TYW1B: variants seen among roughly 807,000 people sequenced by gnomAD.
TYW1B encodes the protein S-adenosyl-L-methionine-dependent tRNA 4-demethylwyosine synthase TYW1B.
TYW1B carries 73 observed loss-of-function variants against 86.9 expected under a neutral mutation model. That is an observed-to-expected ratio of 0.84 (90% CI 0.70 to 1.02). The LOEUF (loss-of-function observed/expected upper bound fraction) is 1.02. Among genes scored for constraint, TYW1B ranks in the 50% least tolerant of loss-of-function variants. The pLI is 0.00. For missense variants in TYW1B, 637 were observed against 827.4 expected, an observed-to-expected ratio of 0.77 and a Z score of 2.82; for synonymous variants, 248 against 292.8, an observed-to-expected ratio of 0.85 and a Z score of 1.56.
chr7:72,808,323 G>T (rs552329493), intron 4 of TYW1B, among the ~76,000 whole-genome samples: 1 of 151,740 alleles, frequency 6.6e-6, no homozygotes, highest in African/African-American at 2.4e-5. Context: ...TGTGGTGGGC[G>T]CCTGTGGTCC....
intron 13 of TYW1B, among the ~76,000 whole-genome samples, chr7:72,604,370 G>A (rs1387929281): frequency 6.6e-6 from 1 of 152,112 alleles, no homozygotes; most frequent in African/African-American, 2.4e-5. Context: ...GCTGAGGCAG[G>A]AGAATTGCTT....
At chr7:72,575,768 A>C in intron 13 of TYW1B, 49 bp from the exon 14 acceptor site, 1 of 1,579,068 alleles carries the variant, frequency 6.3e-7, no homozygotes, top group Admixed American at 1.9e-5. Flanking sequence ...ATCCCTAGAA[A>C]AAAAAAATGA....
At chr7:72,775,901 ATAAT>A (rs1204428943) in intron 7 of TYW1B, among the ~76,000 whole-genome samples, 52 of 152,300 alleles carry the variant, frequency 3.4e-4, no homozygotes, top group African/African-American at 1.1e-3. Flanking sequence ...TCTTTAGTAC[ATAAT>A]TAAATAGATG....
intron 11 of TYW1B, among the ~76,000 whole-genome samples, chr7:72,657,621 A>G (rs1554443860): frequency 1.3e-5 from 2 of 152,200 alleles, no homozygotes; most frequent in Non-Finnish European, 1.5e-5. Flanking sequence ...GGGAATCTCC[A>G]TTAGACTAAG....
intron 11 of TYW1B, among the ~76,000 whole-genome samples, chr7:72,641,022 C>T (rs1277802529): frequency 2.6e-5 from 4 of 151,954 alleles, no homozygotes; most frequent in African/African-American, 7.2e-5. Flanking sequence ...GGACCCTTAG[C>T]TAGACTAAGA....
chr7:72,823,404 G>C (rs1354895497), intron 2 of TYW1B, among the ~76,000 whole-genome samples: 4 of 151,896 alleles, frequency 2.6e-5, no homozygotes, highest in Admixed American at 2.6e-4. Flanking sequence ...GGCAGATCAC[G>C]AGGTCAGGAG....
chr7:72,745,854 GT>G (rs373697481), intron 7 of TYW1B, among the ~76,000 whole-genome samples: 6 of 7,946 alleles, frequency 7.6e-4, no homozygotes, highest in East Asian at 0.042. Context: ...GTATAGGGGT[GT>G]GTGTGTGTGT....
chr7:72,814,687 G>A (rs1360424519), intron 3 of TYW1B, among the ~76,000 whole-genome samples: 7 of 151,890 alleles, frequency 4.6e-5, no homozygotes, highest in African/African-American at 9.7e-5. Flanking sequence ...ACTTGAGCCC[G>A]GGAGGTTGAA....
chr7:72,800,144 G>A (rs1242529801), intron 6 of TYW1B, among the ~76,000 whole-genome samples: 3 of 151,188 alleles, frequency 2.0e-5, no homozygotes, highest in Non-Finnish European at 2.9e-5. Context: ...CATTTAGCTC[G>A]CTCATCCATT....
intron 11 of TYW1B, among the ~76,000 whole-genome samples, chr7:72,692,205 CAAAAAAAAAAAA>C (rs1168197742): frequency 9.6e-5 from 6 of 62,810 alleles, no homozygotes; most frequent in African/African-American, 2.5e-4. Context: ...GACTCCATCT[CAAAAAAAAAAAA>C]AAAAAAAAAA....
At position 72,677,936 on chromosome 7, in the gene TYW1B, G is replaced by A. The variant is rs185063406; in HGVS notation, c.1506+16751C>T. On this transcript the variant is annotated intron_variant, in intron 11 of 13. Coordinates refer to ENST00000620995, the MANE Select transcript of TYW1B (RefSeq NM_001145440.3). ...AGGCTGGTCTTGAACTCCTGACCTC[G>A]AGTGATCCACCCACCTCAGTCTCCA... Among the ~76,000 whole-genome samples the A allele has an allele frequency of 2.3e-3, 342 of 151,750 alleles. 1 individual carries two copies. Among genetic ancestry groups the A allele is most frequent in the Non-Finnish European group, 2.3e-3 (158 of 67,896 alleles).
intron 7 of TYW1B, among the ~76,000 whole-genome samples, chr7:72,759,033 T>C (rs916583391): frequency 1.3e-5 from 2 of 152,186 alleles, no homozygotes; most frequent in Non-Finnish European, 2.9e-5. Flanking sequence ...GAATGGCTAA[T>C]TAAAAGCCAC....
chr7:72,643,588 A>C (rs1314625767), intron 11 of TYW1B, among the ~76,000 whole-genome samples: 2 of 151,966 alleles, frequency 1.3e-5, no homozygotes, highest in African/African-American at 4.8e-5. Flanking sequence ...CTCCATCTTA[A>C]AAGAAAAAAA....
chr7:72,588,313 C>G (rs1191132726), intron 13 of TYW1B, among the ~76,000 whole-genome samples: 1 of 152,236 alleles, frequency 6.6e-6, no homozygotes. Context: ...ATCCTCTGAT[C>G]AGCGTTACCA....
At chr7:72,657,462 T>TGA (rs561469583) in intron 11 of TYW1B, among the ~76,000 whole-genome samples, 1 of 152,068 alleles carries the variant, frequency 6.6e-6, no homozygotes, top group East Asian at 1.9e-4. Flanking sequence ...CTCCAAGTCT[T>TGA]GAGAGAGAGA....
chr7:72,694,462 G>A (rs1256147379), intron 11 of TYW1B, among the ~76,000 whole-genome samples: 1 of 152,146 alleles, frequency 6.6e-6, no homozygotes, highest in Admixed American at 6.6e-5. Flanking sequence ...ACAAAGCATT[G>A]TGCTACAAAC....
chr7:72,669,756 C>T (rs1424920018), intron 11 of TYW1B, among the ~76,000 whole-genome samples: 1 of 150,522 alleles, frequency 6.6e-6, no homozygotes, highest in Admixed American at 6.6e-5. Flanking sequence ...GGTGATAAAG[C>T]GAGGCTCTGT....
intron 13 of TYW1B, among the ~76,000 whole-genome samples, chr7:72,587,224 G>A (rs1386967730): frequency 6.6e-6 from 1 of 152,122 alleles, no homozygotes; most frequent in Admixed American, 6.6e-5. Flanking sequence ...TTGGAATACT[G>A]AGGGGTGATT....
chr7:72,776,556 CAAAA>C (rs67553013), intron 7 of TYW1B, among the ~76,000 whole-genome samples: 3 of 45,246 alleles, frequency 6.6e-5, no homozygotes, highest in Admixed American at 3.8e-4. Context: ...GACTCTGTCT[CAAAA>C]AAAAAAAAAA....
Sources: gnomAD v4.1 joint callset for allele counts (sites outside exome capture counted in the v4.1 genomes callset) on GRCh38, gnomAD v4.1.1 for gene constraint, MANE v1.5 for transcripts, NCBI Gene and HGNC (gene_info 2026-07-23, HGNC 2026-07-21) for gene names.